The following SUGCT variants were observed in gnomAD, a reference collection of about 807,000 sequenced individuals.
SUGCT encodes succinyl-CoA:glutarate-CoA transferase, also known as succinyl-CoA:glutarate CoA-transferase.
Under a neutral mutation model 55.0 loss-of-function variants are expected in SUGCT, and 41 were observed. That is an observed-to-expected ratio of 0.74 (90% CI 0.58 to 0.97). SUGCT has a LOEUF of 0.97. Among genes scored for constraint, SUGCT ranks in the 50% least tolerant of loss-of-function variants. The pLI, the probability that SUGCT is intolerant of heterozygous loss-of-function variation, is 0.00. For synonymous variants in SUGCT, 187 were observed against 200.4 expected (o/e 0.93, Z 0.56); for missense variants, 568 against 547.8 (o/e 1.04, Z -0.37).
intron 12 of SUGCT, among the ~76,000 whole-genome samples, chr7:40,658,393 A>G (rs1801132828): frequency 6.6e-6 from 1 of 152,108 alleles, no homozygotes; most frequent in Admixed American, 6.5e-5. Flanking sequence ...TTATTTTAAT[A>G]TGAGACCTAA....
intron 9 of SUGCT, among the ~76,000 whole-genome samples, chr7:40,438,447 C>T (rs1435161349): frequency 2.6e-5 from 4 of 152,164 alleles, no homozygotes; most frequent in African/African-American, 7.2e-5. Flanking sequence ...GGAGGTTTCT[C>T]ACGATGAGCG....
intron 9 of SUGCT, among the ~76,000 whole-genome samples, chr7:40,444,277 G>C (rs1788687012): frequency 6.6e-6 from 1 of 152,150 alleles, no homozygotes; most frequent in South Asian, 2.1e-4. Flanking sequence ...TTGGTAGCTT[G>C]ATGGGGATGG....
intron 12 of SUGCT, among the ~76,000 whole-genome samples, chr7:40,540,421 A>G (rs1026316866): frequency 2.0e-5 from 3 of 152,226 alleles, no homozygotes; most frequent in Non-Finnish European, 2.9e-5. Context: ...CAAAACCCTT[A>G]TTTCTAGTTA....
At chr7:40,724,431 C>A (rs183876875) in intron 12 of SUGCT, among the ~76,000 whole-genome samples, 5 of 151,880 alleles carry the variant, frequency 3.3e-5, no homozygotes, top group African/African-American at 1.2e-4. Flanking sequence ...GGCGTGGCAG[C>A]GTGCGCCTGT....
chr7:40,331,831 C>T (rs1206237359), intron 9 of SUGCT, among the ~76,000 whole-genome samples: 1 of 152,158 alleles, frequency 6.6e-6, no homozygotes, highest in East Asian at 1.9e-4. Context: ...GAGAGAAGTT[C>T]CACACTGAGA....
At chr7:40,395,886 A>G (rs1220263101) in intron 9 of SUGCT, among the ~76,000 whole-genome samples, 1 of 152,170 alleles carries the variant, frequency 6.6e-6, no homozygotes, top group Non-Finnish European at 1.5e-5. Context: ...ATAGACTGTT[A>G]TTTTTACAGA....
chr7:40,186,614 A>C (rs1282286798), intron 3 of SUGCT, among the ~76,000 whole-genome samples: 1 of 152,134 alleles, frequency 6.6e-6, no homozygotes, highest in African/African-American at 2.4e-5. Context: ...TGTGTAACCA[A>C]AGAGCATATT....
At chr7:40,292,828 G>C (rs1172700099) in intron 8 of SUGCT, among the ~76,000 whole-genome samples, 1 of 152,132 alleles carries the variant, frequency 6.6e-6, no homozygotes, top group African/African-American at 2.4e-5. Flanking sequence ...TTTAACTACA[G>C]AAGCTCTTGA....
the SUGCT span, among the ~76,000 whole-genome samples, chr7:40,901,676 GC>G: frequency 6.6e-6 from 1 of 152,172 alleles, no homozygotes; most frequent in Admixed American, 6.5e-5. Context: ...AGCAAAGGAT[GC>G]CAGGCAACAA....
chr7:40,262,353 A>G (rs1584496264), intron 7 of SUGCT, among the ~76,000 whole-genome samples: 1 of 152,048 alleles, frequency 6.6e-6, no homozygotes, highest in South Asian at 2.1e-4. Flanking sequence ...TTGAGTTGCA[A>G]AGAACAAGCC....
At chr7:40,349,145 T>C (rs1480826096) in intron 9 of SUGCT, among the ~76,000 whole-genome samples, 1 of 152,216 alleles carries the variant, frequency 6.6e-6, no homozygotes, top group Non-Finnish European at 1.5e-5. Context: ...ATAATAGCTT[T>C]GCTTGTCTTT....
intron 12 of SUGCT, among the ~76,000 whole-genome samples, chr7:40,652,757 A>G (rs769245272): frequency 7.2e-5 from 11 of 152,238 alleles, no homozygotes; most frequent in Non-Finnish European, 1.6e-4. Flanking sequence ...CTATAATAAT[A>G]CTTTCCCTCT....
At chr7:40,898,769 A>G in the SUGCT span, among the ~76,000 whole-genome samples, 1 of 151,958 alleles carries the variant, frequency 6.6e-6, no homozygotes, top group African/African-American at 2.4e-5. Flanking sequence ...CCGAAAGCCT[A>G]CCAATTCTGG....
chr7:40,914,838 C>A, the SUGCT span, among the ~76,000 whole-genome samples: 261 of 152,128 alleles, frequency 1.7e-3, no homozygotes, highest in African/African-American at 6.0e-3. Context: ...AAAGGTCCCA[C>A]CAGAATTAGA....
chr7:40,827,239 T>C (rs1792360101), intron 13 of SUGCT, among the ~76,000 whole-genome samples: 2 of 152,106 alleles, frequency 1.3e-5, no homozygotes, highest in South Asian at 4.1e-4. Context: ...AAACCCATAG[T>C]GCAAATGGCA....
intron 11 of SUGCT, among the ~76,000 whole-genome samples, chr7:40,491,835 C>A (rs971117084): frequency 2.2e-4 from 34 of 152,016 alleles, no homozygotes; most frequent in African/African-American, 8.2e-4. Context: ...ACTAAAAATA[C>A]AAAAATTAGC....
At chr7:40,972,789 A>C in the SUGCT span, among the ~76,000 whole-genome samples, 2 of 152,216 alleles carry the variant, frequency 1.3e-5, no homozygotes, top group African/African-American at 4.8e-5. Flanking sequence ...CCTTGCCTAC[A>C]TATCCTTGGG....
chr7:40,757,239 G>C (rs564509625), intron 13 of SUGCT, among the ~76,000 whole-genome samples: 2 of 152,272 alleles, frequency 1.3e-5, no homozygotes, highest in African/African-American at 4.8e-5. Flanking sequence ...GCATCCCCAG[G>C]AATGTCTTTC....
intron 9 of SUGCT, among the ~76,000 whole-genome samples, chr7:40,391,622 A>T (rs1036933264): frequency 6.6e-6 from 1 of 152,190 alleles, no homozygotes; most frequent in Non-Finnish European, 1.5e-5. Context: ...ATCATTAAAA[A>T]GTCAGGAAAC....
Sources: gnomAD v4.1 joint callset for allele counts (sites outside exome capture counted in the v4.1 genomes callset) on GRCh38, gnomAD v4.1.1 for gene constraint, MANE v1.5 for transcripts, NCBI Gene and HGNC (gene_info 2026-07-23, HGNC 2026-07-21) for gene names.